ATG10: variants seen among roughly 807,000 people sequenced by gnomAD.
ATG10 encodes ubiquitin-like-conjugating enzyme ATG10.
ATG10 carries 30 observed loss-of-function variants against 32.1 expected under a neutral mutation model. The observed-to-expected ratio is 0.94, with a 90% confidence interval of 0.70 to 1.27. ATG10 has a LOEUF of 1.27. Among genes scored for constraint, ATG10 ranks in the 50% most tolerant of loss-of-function variants. The pLI, the probability that ATG10 is intolerant of heterozygous loss-of-function variation, is 0.00. For missense variants in ATG10, 233 were observed against 262.3 expected, an observed-to-expected ratio of 0.89 and a Z score of 0.77; for synonymous variants, 87 against 91.5, an observed-to-expected ratio of 0.95 and a Z score of 0.28.
chr5:81,988,957 T>A (rs958261459), intron 2 of ATG10, among the ~76,000 whole-genome samples: 3 of 152,074 alleles, frequency 2.0e-5, no homozygotes, highest in Non-Finnish European at 2.9e-5. Context: ...GCCTCCCAAG[T>A]AGTAGCTGGG....
intron 5 of ATG10, among the ~76,000 whole-genome samples, chr5:82,179,105 A>G (rs1744139861): frequency 6.6e-6 from 1 of 152,140 alleles, no homozygotes; most frequent in African/African-American, 2.4e-5. Flanking sequence ...GCTTCATGCA[A>G]TTTATTGAAT....
intron 5 of ATG10, among the ~76,000 whole-genome samples, chr5:82,231,952 A>G (rs972036471): frequency 3.3e-5 from 5 of 152,232 alleles, no homozygotes; most frequent in African/African-American, 1.2e-4. Flanking sequence ...GTTGCTTTAA[A>G]ATAATATTTG....
At chr5:82,128,323 T>C (rs1474455891) in intron 3 of ATG10, among the ~76,000 whole-genome samples, 1 of 152,048 alleles carries the variant, frequency 6.6e-6, no homozygotes, top group African/African-American at 2.4e-5. Context: ...AATTTGATCA[T>C]GTCAGTATGA....
chr5:82,215,464 G>A (rs888040893), intron 5 of ATG10, among the ~76,000 whole-genome samples: 2 of 152,092 alleles, frequency 1.3e-5, no homozygotes, highest in African/African-American at 2.4e-5. Flanking sequence ...TTAGAAAGCT[G>A]CCTACCAGAC....
intron 2 of ATG10, among the ~76,000 whole-genome samples, chr5:82,029,501 A>G (rs1258651579): frequency 2.0e-5 from 3 of 152,252 alleles, no homozygotes; most frequent in African/African-American, 7.2e-5. Context: ...CAATTATGAC[A>G]GGTCCCAAAT....
intron 2 of ATG10, among the ~76,000 whole-genome samples, chr5:81,997,976 G>A (rs896825733): frequency 9.2e-5 from 14 of 152,184 alleles, no homozygotes; most frequent in Admixed American, 3.9e-4. Flanking sequence ...TCAGGATATC[G>A]TCCATGCAAA....
At chr5:81,999,391 A>C (rs1761769392) in intron 2 of ATG10, among the ~76,000 whole-genome samples, 1 of 152,158 alleles carries the variant, frequency 6.6e-6, no homozygotes, top group African/African-American at 2.4e-5. Context: ...CAGTGATAAG[A>C]GGGAAGTTTA....
chr5:82,037,815 C>T (rs1762979365), intron 2 of ATG10, among the ~76,000 whole-genome samples: 1 of 152,082 alleles, frequency 6.6e-6, no homozygotes, highest in African/African-American at 2.4e-5. Flanking sequence ...GTAGTGATTA[C>T]ATTGACAGAT....
At chr5:82,142,764 G>A (rs1208613505) in intron 3 of ATG10, among the ~76,000 whole-genome samples, 1 of 152,128 alleles carries the variant, frequency 6.6e-6, no homozygotes, top group Non-Finnish European at 1.5e-5. Flanking sequence ...TTAACTAGGG[G>A]AGTGGCAAAG....
At chr5:82,016,970 G>A (rs1224182144) in intron 2 of ATG10, among the ~76,000 whole-genome samples, 3 of 152,100 alleles carry the variant, frequency 2.0e-5, no homozygotes, top group African/African-American at 4.8e-5. Context: ...GATTACAGGC[G>A]TGAGCCACTG....
chr5:82,146,897 C>G (rs997070351), intron 3 of ATG10, among the ~76,000 whole-genome samples: 1 of 152,048 alleles, frequency 6.6e-6, no homozygotes, highest in African/African-American at 2.4e-5. Context: ...TCTAGATAAC[C>G]TAGACGTTGG....
At chr5:82,044,538 G>A (rs1490361490) in intron 2 of ATG10, among the ~76,000 whole-genome samples, 1 of 151,826 alleles carries the variant, frequency 6.6e-6, no homozygotes, top group Non-Finnish European at 1.5e-5. Context: ...CATTGTGAGT[G>A]CTGGATTTTT....
At chr5:82,032,607 T>C (rs558844189) in intron 2 of ATG10, among the ~76,000 whole-genome samples, 39 of 152,132 alleles carry the variant, frequency 2.6e-4, no homozygotes, top group Admixed American at 1.3e-3. Flanking sequence ...ATATATATGA[T>C]AAACTGTTTA....
intron 2 of ATG10, among the ~76,000 whole-genome samples, chr5:82,043,579 C>T (rs193183397): frequency 7.2e-4 from 110 of 152,304 alleles, no homozygotes; most frequent in Non-Finnish European, 1.2e-3. Context: ...TTATGCTCTG[C>T]TTCCCTTTTA....
At chr5:82,248,047 C>T (rs1011184554) in intron 5 of ATG10, among the ~76,000 whole-genome samples, 5 of 152,136 alleles carry the variant, frequency 3.3e-5, no homozygotes, top group African/African-American at 9.7e-5. Context: ...TGGATGTGTA[C>T]GTGGATTGGG....
intron 3 of ATG10, among the ~76,000 whole-genome samples, chr5:82,114,922 T>C (rs1765743028): frequency 6.6e-6 from 1 of 152,108 alleles, no homozygotes; most frequent in Non-Finnish European, 1.5e-5. Flanking sequence ...TGATCGCTAC[T>C]AGCCCATGTA....
intron 5 of ATG10, among the ~76,000 whole-genome samples, chr5:82,180,031 C>A (rs1221060511): frequency 6.6e-6 from 1 of 152,132 alleles, no homozygotes; most frequent in Non-Finnish European, 1.5e-5. Context: ...TGGTTTTCTG[C>A]TCCTTTCCTC....
chr5:82,185,054 A>C (rs926977663), intron 5 of ATG10, among the ~76,000 whole-genome samples: 3 of 152,166 alleles, frequency 2.0e-5, no homozygotes, highest in African/African-American at 7.2e-5. Context: ...TTTCCAAACC[A>C]CAAGAGATTC....
At chr5:82,041,664 G>C (rs926498371) in intron 2 of ATG10, among the ~76,000 whole-genome samples, 1 of 152,128 alleles carries the variant, frequency 6.6e-6, no homozygotes, top group Non-Finnish European at 1.5e-5. Flanking sequence ...CAGCTGAATT[G>C]CTTCAGGTAA....
Sources: allele counts gnomAD v4.1 joint callset (sites outside exome capture counted in the v4.1 genomes callset), GRCh38; gene constraint gnomAD v4.1.1; transcripts MANE v1.5; gene names NCBI Gene and HGNC (gene_info 2026-07-23, HGNC 2026-07-21).